Variants in LOXHD1 observed in about 807,000 individuals in gnomAD.
LOXHD1 encodes lipoxygenase homology domain-containing protein 1.
A neutral mutation model predicts 248.2 loss-of-function variants in LOXHD1; 205 were observed. That is an observed-to-expected ratio of 0.83 (90% CI 0.74 to 0.93). The LOEUF is 0.93. LOXHD1 is among the 40% of genes least tolerant of loss of function. LOXHD1 has a pLI of 0.00. For missense variants in LOXHD1, 2,930 were observed against 2,971.6 expected (o/e 0.99, Z 0.33); for synonymous variants, 1,113 against 1,162.8 (o/e 0.96, Z 0.87).
chr18:46,526,250 C>A (rs2035823119), intron 29 of LOXHD1, among the ~76,000 whole-genome samples: 1 of 152,142 alleles, frequency 6.6e-6, no homozygotes, highest in South Asian at 2.1e-4. Flanking sequence ...AAATTGGAAG[C>A]CATCTGGGGT....
At chr18:46,650,350 G>A (rs528876380) in intron 1 of LOXHD1, among the ~76,000 whole-genome samples, 21 of 152,284 alleles carry the variant, frequency 1.4e-4, no homozygotes, top group African/African-American at 5.1e-4. Context: ...AGCAAAATGT[G>A]GGGAGGGTGT....
chr18:46,624,545 C>A (rs2038713737), intron 4 of LOXHD1, among the ~76,000 whole-genome samples: 1 of 152,174 alleles, frequency 6.6e-6, no homozygotes, highest in Admixed American at 6.5e-5. Context: ...CCCATGCTAC[C>A]CCCAAAAGGT....
intron 37 of LOXHD1, among the ~76,000 whole-genome samples, chr18:46,505,263 C>T (rs2034486753): frequency 6.6e-6 from 1 of 152,096 alleles, no homozygotes; most frequent in South Asian, 2.1e-4. Context: ...CTCACTGCAG[C>T]CATGACCTCC....
At chr18:46,574,785 C>T (rs138564330) in intron 14 of LOXHD1, among the ~76,000 whole-genome samples, 1 of 152,284 alleles carries the variant, frequency 6.6e-6, no homozygotes, top group Non-Finnish European at 1.5e-5. Flanking sequence ...CACCATAAGA[C>T]ACATGCTGGC....
chr18:46,533,752 C>T (rs1269718741), intron 27 of LOXHD1: 3 of 315,054 alleles, frequency 9.5e-6, no homozygotes, highest in African/African-American at 2.3e-5. Context: ...GGTGAAACCC[C>T]ATCTCTACTA....
intron 4 of LOXHD1, among the ~76,000 whole-genome samples, chr18:46,629,099 C>T (rs638860): frequency 1.3e-5 from 2 of 152,290 alleles, no homozygotes; most frequent in South Asian, 2.1e-4. Flanking sequence ...CCTGACCTCT[C>T]CGTCTCCCTT....
intron 37 of LOXHD1, 38 bp downstream of exon 37, chr18:46,505,800 G>A (rs902869260): frequency 2.6e-6 from 4 of 1,548,420 alleles, no homozygotes; most frequent in Non-Finnish European, 3.5e-6. Context: ...GGAGCTGAGG[G>A]CTGCCCTCCC....
chr18:46,548,877 C>T (rs1791721876), intron 21 of LOXHD1, among the ~76,000 whole-genome samples: 1 of 152,184 alleles, frequency 6.6e-6, no homozygotes. Flanking sequence ...GGAGCAAAAT[C>T]TCCATTGTCC....
At chr18:46,634,236 A>T (rs2038863809) in intron 4 of LOXHD1, among the ~76,000 whole-genome samples, 1 of 152,222 alleles carries the variant, frequency 6.6e-6, no homozygotes, top group Non-Finnish European at 1.5e-5. Flanking sequence ...ATGGGATGCT[A>T]TTCAGCCTTA....
At chr18:46,613,530 G>A (rs898573657) in intron 5 of LOXHD1, among the ~76,000 whole-genome samples, 17 of 151,882 alleles carry the variant, frequency 1.1e-4, no homozygotes, top group Admixed American at 8.5e-4. Context: ...ATTTTCAACC[G>A]TTATAGCTTT....
chr18:46,541,169 G>A (rs1315429141), intron 25 of LOXHD1, among the ~76,000 whole-genome samples: 1 of 152,152 alleles, frequency 6.6e-6, no homozygotes, highest in Non-Finnish European at 1.5e-5. Flanking sequence ...ACAGTGGAAA[G>A]GAAGTGTCAA....
At chr18:46,552,752 G>A (rs2037158928) in intron 21 of LOXHD1, among the ~76,000 whole-genome samples, 1 of 152,088 alleles carries the variant, frequency 6.6e-6, no homozygotes, top group South Asian at 2.1e-4. Flanking sequence ...CAAAAGCCTG[G>A]GTGTGTTTTC....
intron 37 of LOXHD1, among the ~76,000 whole-genome samples, chr18:46,497,757 TAA>T (rs1179866184): frequency 6.6e-6 from 1 of 152,120 alleles, no homozygotes; most frequent in Non-Finnish European, 1.5e-5. Context: ...AATGCTCAAG[TAA>T]AAGAGACAGA....
At chr18:46,652,623 G>T (rs1254128504) in intron 1 of LOXHD1, among the ~76,000 whole-genome samples, 1 of 152,132 alleles carries the variant, frequency 6.6e-6, no homozygotes, top group African/African-American at 2.4e-5. Context: ...CCAAGCACTG[G>T]TAACTAAACA....
At chr18:46,521,670 C>T (rs1481592058) in intron 32 of LOXHD1, among the ~76,000 whole-genome samples, 2 of 152,104 alleles carry the variant, frequency 1.3e-5, no homozygotes, top group African/African-American at 2.4e-5. Flanking sequence ...TGGATTCTGC[C>T]AACAACCAGT....
intron 25 of LOXHD1, among the ~76,000 whole-genome samples, 189 bp downstream of exon 25, chr18:46,541,587 C>A (rs894826702): frequency 6.6e-6 from 1 of 152,214 alleles, no homozygotes; most frequent in African/African-American, 2.4e-5. Flanking sequence ...TTCATATTTT[C>A]ATTTCCTGGG....
At chr18:46,540,285 G>A (rs1042145865) in intron 25 of LOXHD1, among the ~76,000 whole-genome samples, 1 of 152,152 alleles carries the variant, frequency 6.6e-6, no homozygotes, top group Non-Finnish European at 1.5e-5. Context: ...AAGTACTGCT[G>A]CTTAGCCACA....
In LOXHD1 at chr18:46,602,028, T is replaced by G. The variant is rs9964402; in HGVS notation, c.884-561A>C. Reference sequence around the variant, plus strand: ...GAGGGAGAGAGAGAACATTGTTGGTTGGGCCATTTGAGGTTCTGGTCTATC... The same window carrying G: ...GAGGGAGAGAGAGAACATTGTTGGTGGGGCCATTTGAGGTTCTGGTCTATC... On this transcript the variant is annotated intron_variant, in intron 7 of 40. Transcript: ENST00000642948. Among the ~76,000 whole-genome samples, 626 of 152,224 alleles carry G rather than the reference T, an allele frequency of 4.1e-3. 3 individuals carry two copies. Among genetic ancestry groups the G allele is most frequent in the African/African-American group, 0.015 (608 of 41,538 alleles).
chr18:46,622,794 A>T (rs1026383702), intron 4 of LOXHD1, among the ~76,000 whole-genome samples: 2 of 152,218 alleles, frequency 1.3e-5, no homozygotes, highest in African/African-American at 4.8e-5. Flanking sequence ...CAGTCCACTG[A>T]TAGAAGAGGC....
Sources: allele counts gnomAD v4.1 joint callset (sites outside exome capture counted in the v4.1 genomes callset), GRCh38; gene constraint gnomAD v4.1.1; transcripts MANE v1.5; gene names NCBI Gene and HGNC (gene_info 2026-07-23, HGNC 2026-07-21).